FMN2: variants seen among roughly 807,000 people sequenced by gnomAD.
FMN2 encodes formin-2.
Under a neutral mutation model 142.3 loss-of-function variants are expected in FMN2, and 51 were observed. That is an observed-to-expected ratio of 0.36 (90% CI 0.29 to 0.45). FMN2 has a LOEUF of 0.45. FMN2 is among the 20% of genes least tolerant of loss of function. The pLI, the probability that FMN2 is intolerant of heterozygous loss-of-function variation, is 1.00. For synonymous variants in FMN2, 882 were observed against 869.8 expected (o/e 1.01, Z -0.25); for missense variants, 1,936 against 2,122.8 (o/e 0.91, Z 1.73).
rs1671463739 is a variant in FMN2 at position 240,333,769 on chromosome 1, C to T, written c.4585-118C>T. 6 of 755,580 alleles carry T rather than the reference C, an allele frequency of 7.9e-6. No individual in the cohort carries two copies. In the South Asian group the frequency reaches 1.6e-4, roughly 20 times the overall value. The allele number at this position is 755,580 out of a possible 1,614,324, so 46.8% of individuals were successfully genotyped here. On this transcript the variant is annotated intron_variant, in intron 11 of 17. Coordinates refer to ENST00000319653, the MANE Select transcript of FMN2 (RefSeq NM_020066.5). Reference sequence around the variant, plus strand: ...AGACAATCCAAAATGTAAAATTTCACATTTCATTCCAAATGTTCTCATGTA... The same window carrying T: ...AGACAATCCAAAATGTAAAATTTCATATTTCATTCCAAATGTTCTCATGTA...
intron 1 of FMN2, among the ~76,000 whole-genome samples, chr1:240,096,942 T>C (rs1661219463): frequency 1.3e-5 from 2 of 152,232 alleles, no homozygotes. Context: ...ATTAATGTGT[T>C]TGAAATACAT....
chr1:240,301,847 T>C (rs143822385), intron 8 of FMN2, among the ~76,000 whole-genome samples: 13 of 152,146 alleles, frequency 8.5e-5, no homozygotes, highest in Non-Finnish European at 2.9e-5. Context: ...AGGCATGGTT[T>C]TCTTGTATTC....
chr1:240,218,550 C>T (rs1374619293), intron 6 of FMN2, among the ~76,000 whole-genome samples: 1 of 139,450 alleles, frequency 7.2e-6, no homozygotes, highest in Non-Finnish European at 1.5e-5. Flanking sequence ...TAGTGAGACC[C>T]CATCTCATCT....
At chr1:240,123,395 T>C (rs1179812151) in intron 2 of FMN2, 50 bp downstream of exon 2, 2 of 1,573,950 alleles carry the variant, frequency 1.3e-6, no homozygotes, top group Admixed American at 1.8e-5. Context: ...GCTGTGGAAA[T>C]AGCAGCTACG....
intron 7 of FMN2, among the ~76,000 whole-genome samples, chr1:240,268,180 G>A (rs1178716563): frequency 6.6e-6 from 1 of 152,082 alleles, no homozygotes; most frequent in African/African-American, 2.4e-5. Context: ...AGTTGGGAGT[G>A]AGATAAGAGG....
In FMN2 at chr1:240,329,411, T is replaced by C; in HGVS notation, c.4380T>C (p.Phe1460=). ...TTTGCATCCTGTTCCAGTCCACATT[T>C]TCAGAAAGCATTTGCTCAATTCGTC... ...RVFCILFQST[F]SESICSIRRK... Residue 1460 remains phenylalanine (F), a synonymous_variant, in exon 10 of 18, where the codon TTT becomes TTC. Coordinates refer to ENST00000319653, the MANE Select transcript of FMN2 (RefSeq NM_020066.5). 1 of 1,614,100 alleles carries C rather than the reference T, an allele frequency of 6.2e-7. No homozygotes were observed. Among genetic ancestry groups the C allele is most frequent in the South Asian group, 1.1e-5 (1 of 91,072 alleles).
chr1:240,190,917 TA>T (rs774304702), intron 4 of FMN2, among the ~76,000 whole-genome samples: 5 of 152,246 alleles, frequency 3.3e-5, no homozygotes, highest in East Asian at 3.9e-4. Context: ...TGTTATTATG[TA>T]AAAAAAATTA....
intron 2 of FMN2, among the ~76,000 whole-genome samples, chr1:240,154,079 C>T (rs1439585550): frequency 7.7e-6 from 1 of 130,332 alleles, no homozygotes; most frequent in Non-Finnish European, 1.5e-5. Context: ...CACTGCACTC[C>T]AGCCTGGGCG....
chr1:240,115,548 G>T (rs1004297554), intron 1 of FMN2, among the ~76,000 whole-genome samples: 6 of 152,086 alleles, frequency 3.9e-5, no homozygotes, highest in African/African-American at 1.4e-4. Flanking sequence ...CCCACTTCTG[G>T]GTTTTGGGAT....
chr1:240,424,965 G>A (rs1674887311), intron 15 of FMN2, among the ~76,000 whole-genome samples: 1 of 152,132 alleles, frequency 6.6e-6, no homozygotes, highest in South Asian at 2.1e-4. Flanking sequence ...CATTGTTCAG[G>A]TGCCTGAGAA....
intron 16 of FMN2, among the ~76,000 whole-genome samples, chr1:240,446,645 T>C (rs1030354596): frequency 2.6e-5 from 4 of 152,228 alleles, no homozygotes; most frequent in African/African-American, 9.6e-5. Flanking sequence ...TTAATTTCTT[T>C]AGGATACTTT....
At chr1:240,167,935 G>A (rs2103304385) in intron 2 of FMN2, among the ~76,000 whole-genome samples, 1 of 152,150 alleles carries the variant, frequency 6.6e-6, no homozygotes, top group African/African-American at 2.4e-5. Context: ...GGCCAGGCAT[G>A]GTGGCACACT....
At chr1:240,233,376 C>G (rs1313542540) in intron 6 of FMN2, among the ~76,000 whole-genome samples, 1 of 139,766 alleles carries the variant, frequency 7.2e-6, no homozygotes, top group Admixed American at 7.1e-5. Context: ...CAGAGCGAGA[C>G]TTCATCTCAA....
At chr1:240,429,174 GT>G (rs918830142) in intron 15 of FMN2, among the ~76,000 whole-genome samples, 1 of 152,052 alleles carries the variant, frequency 6.6e-6, no homozygotes, top group African/African-American at 2.4e-5. Context: ...AAAATTTTGA[GT>G]TTTGTTTTCA....
At chr1:240,467,157 A>G (rs554896463) in intron 16 of FMN2, among the ~76,000 whole-genome samples, 91 of 152,312 alleles carry the variant, frequency 6.0e-4, no homozygotes, top group African/African-American at 2.1e-3. Context: ...GACTGGGCAG[A>G]CTGCCTTACA....
chr1:240,328,887 G>A (rs1221916159), intron 8 of FMN2, among the ~76,000 whole-genome samples, 189 bp from the exon 9 acceptor site: 1 of 152,054 alleles, frequency 6.6e-6, no homozygotes, highest in African/African-American at 2.4e-5. Context: ...CACCACACCC[G>A]GCCATATTTA....
chr1:240,136,647 C>T (rs561911764), intron 2 of FMN2, among the ~76,000 whole-genome samples: 2 of 152,168 alleles, frequency 1.3e-5, no homozygotes, highest in South Asian at 2.1e-4. Flanking sequence ...TGACTCAGCT[C>T]GACTTTTCTG....
intron 7 of FMN2, among the ~76,000 whole-genome samples, chr1:240,270,696 A>T (rs1258723668): frequency 6.6e-6 from 1 of 152,146 alleles, no homozygotes; most frequent in Non-Finnish European, 1.5e-5. Context: ...AACAACATGG[A>T]CAAACCTAGA....
intron 2 of FMN2, among the ~76,000 whole-genome samples, chr1:240,150,025 C>T (rs984895884): frequency 4.6e-5 from 7 of 152,066 alleles, no homozygotes; most frequent in African/African-American, 1.4e-4. Context: ...TTTTTGTCCT[C>T]TTCTGATACA....
Sources: gnomAD v4.1 joint callset for allele counts (sites outside exome capture counted in the v4.1 genomes callset) on GRCh38, gnomAD v4.1.1 for gene constraint, MANE v1.5 for transcripts, NCBI Gene and HGNC (gene_info 2026-07-23, HGNC 2026-07-21) for gene names.